SRPX: variants seen among roughly 807,000 people sequenced by gnomAD.
The protein encoded by SRPX is sushi repeat containing protein X-linked.
Under a neutral mutation model 38.1 loss-of-function variants are expected in SRPX, and 24 were observed. The observed-to-expected ratio is 0.63, with a 90% confidence interval of 0.46 to 0.89. The LOEUF (loss-of-function observed/expected upper bound fraction) is 0.89, where lower values mean the gene tolerates loss of function less well. Ranked by LOEUF, SRPX falls within the 40% of genes least tolerant of loss-of-function variation. SRPX has a pLI of 0.00. For missense variants in SRPX, 416 were observed against 377.8 expected (o/e 1.10, Z -0.84); for synonymous variants, 184 against 153.8 (o/e 1.20, Z -1.45).
intron 2 of SRPX, among the ~76,000 whole-genome samples, chrX:38,177,527 C>T (rs1184718309): frequency 1.0e-5 from 1 of 98,866 alleles, no homozygotes; most frequent in Non-Finnish European, 2.0e-5. Flanking sequence ...GGCAAAATGC[C>T]GCAGTGAAAC....
intron 8 of SRPX, among the ~76,000 whole-genome samples, chrX:38,155,962 G>A (rs895747329): frequency 1.8e-5 from 2 of 112,114 alleles, no homozygotes; most frequent in Non-Finnish European, 3.8e-5. Context: ...CTTCAAGTAC[G>A]TGGGAAGAGT....
In SRPX at chrX:38,220,699, G is replaced by T. The variant is rs1939501032; in HGVS notation, c.94C>A (p.Pro32Thr). Residue 32 changes from proline to threonine, a missense_variant, in exon 1 of 10, where the codon CCA (proline) becomes ACA (threonine). Physicochemically the swap from Pro to Thr is conservative, Grantham distance 38. Coordinates refer to ENST00000378533, the MANE Select transcript of SRPX (RefSeq NM_006307.5). Reference sequence around the variant, plus strand: ...GCAGCCACGCCTCCGATCCTACCTGGGAAGCTGCGGCTGGGCGGGACGCGC... The same window carrying T: ...GCAGCCACGCCTCCGATCCTACCTGTGAAGCTGCGGCTGGGCGGGACGCGC... ...LLRVPPSRSF[P>T]GSGDSPLEDD... The T allele has an allele frequency of 1.7e-6, 2 of 1,180,152 alleles. No individual in the cohort carries two copies. The highest frequency in any genetic ancestry group is 3.6e-5 in the African/African-American group (2 of 55,568).
intron 8 of SRPX, among the ~76,000 whole-genome samples, chrX:38,155,982 C>T (rs994007263): frequency 1.3e-4 from 15 of 112,124 alleles, no homozygotes; most frequent in Admixed American, 1.3e-3. Flanking sequence ...TGAAAAGAGA[C>T]TTATTATTAT....
intron 1 of SRPX, among the ~76,000 whole-genome samples, chrX:38,199,049 A>G (rs1939055141): frequency 9.0e-6 from 1 of 111,015 alleles, no homozygotes; most frequent in African/African-American, 3.3e-5. Context: ...ACCTAATGTC[A>G]TCACAAGTTG....
At chrX:38,153,327 T>TA (rs1938056788) in intron 9 of SRPX, among the ~76,000 whole-genome samples, 1 of 79,085 alleles carries the variant, frequency 1.3e-5, no homozygotes. Context: ...TTTTTTTTTT[T>TA]ACCTTGGTAG....
At chrX:38,178,171 A>C (rs1275967646) in intron 2 of SRPX, 114 bp downstream of exon 2, 2 of 468,938 alleles carry the variant, frequency 4.3e-6, no homozygotes. Flanking sequence ...TTGATAGATA[A>C]TTAGAACTTA....
rs1423691522 is a variant in SRPX, at chrX:38,149,399, G to A, written c.*312C>T. The A allele has an allele frequency of 2.3e-5, 4 of 173,548 alleles. No individual in the cohort carries two copies. Among genetic ancestry groups the A allele is most frequent in the African/African-American group, 1.2e-4 (4 of 33,325 alleles). The allele number at this position is 173,548 out of a possible 1,213,427, so 14.3% of individuals were successfully genotyped here. On this transcript the variant is annotated 3_prime_UTR_variant, in exon 10 of 10. Coordinates refer to ENST00000378533, the MANE Select transcript of SRPX (RefSeq NM_006307.5). ...CTTACTTAAAAAACAAAATAGAAAA[G>A]AGTTAGGTGTCACATTGAATAACAT...
intron 1 of SRPX, among the ~76,000 whole-genome samples, chrX:38,201,682 G>A (rs1939114782): frequency 9.0e-6 from 1 of 111,233 alleles, no homozygotes. Context: ...AGCGAGGTGC[G>A]GTGGTGGGTG....
intron 1 of SRPX, among the ~76,000 whole-genome samples, chrX:38,206,558 G>C (rs934401406): frequency 3.6e-5 from 4 of 111,880 alleles, no homozygotes; most frequent in Non-Finnish European, 5.6e-5. Context: ...AAGAACTCTG[G>C]ACCAGAAACC....
intron 6 of SRPX, 86 bp from the exon 7 acceptor site, chrX:38,160,282 G>T (rs1938220311): frequency 1.0e-6 from 1 of 974,336 alleles, no homozygotes; most frequent in South Asian, 2.3e-5. Context: ...AGAGGCATCA[G>T]CTTTGCAATC....
rs1284681794 is a variant in SRPX at position 38,149,769 on chromosome X, G to A, written c.1337C>T (p.Pro446Leu). 1 of 1,209,350 alleles carries A rather than the reference G, an allele frequency of 8.3e-7. No homozygotes were observed. Among genetic ancestry groups the A allele is most frequent in the Non-Finnish European group, 1.1e-6 (1 of 895,019 alleles). ...TAGGACCATCTCTTCTTTTCTCAAGGGAAAAGTGTCAATCAGGTTGAACAG... is the reference window on the plus strand; with the variant it reads ...TAGGACCATCTCTTCTTTTCTCAAGAGAAAAGTGTCAATCAGGTTGAACAG... The part of the protein sequence containing the change: ...VALFNLIDTF[P>L]LRKEEMVLQA... Residue 446 changes from proline (P) to leucine (L), a missense_variant, in exon 10 of 10, where the codon CCC (proline) becomes CTC (leucine). By Grantham distance (98) the Pro-to-Leu change is moderately conservative. Transcript: ENST00000378533.
At chrX:38,207,989 G>C (rs1183713770) in intron 1 of SRPX, among the ~76,000 whole-genome samples, 2 of 111,537 alleles carry the variant, frequency 1.8e-5, no homozygotes, top group Non-Finnish European at 3.8e-5. Flanking sequence ...GGGCGCTATG[G>C]GCATTCTAAG....
intron 5 of SRPX, among the ~76,000 whole-genome samples, chrX:38,164,420 G>A (rs957226201): frequency 2.7e-5 from 3 of 112,160 alleles, no homozygotes; most frequent in Non-Finnish European, 5.6e-5. Context: ...TGGGATTACA[G>A]GCATGAGCCA....
intron 2 of SRPX, 78 bp from the exon 3 acceptor site, chrX:38,174,429 C>T (rs1938534378): frequency 1.2e-6 from 1 of 857,681 alleles, no homozygotes. Context: ...CTCTTACTGT[C>T]CCAGGCTGGC....
At chrX:38,161,088 A>T in intron 5 of SRPX, 34 bp from the exon 6 acceptor site, 5 of 1,201,606 alleles carry the variant, frequency 4.2e-6, no homozygotes, top group Non-Finnish European at 5.6e-6. Context: ...AGGAAAGATG[A>T]CATTATGGAC....
At chrX:38,160,735 C>T (rs1303897479) in intron 6 of SRPX, among the ~76,000 whole-genome samples, 198 bp downstream of exon 6, 1 of 111,074 alleles carries the variant, frequency 9.0e-6, no homozygotes, top group Admixed American at 9.6e-5. Flanking sequence ...AATCTGGCAA[C>T]ACTGACGCCC....
At chrX:38,194,027 G>A (rs1376252122) in intron 1 of SRPX, among the ~76,000 whole-genome samples, 2 of 111,618 alleles carry the variant, frequency 1.8e-5, no homozygotes, top group Middle Eastern at 9.2e-3. Flanking sequence ...CCATGGACTG[G>A]TGAGACCTTG....
intron 3 of SRPX, among the ~76,000 whole-genome samples, 170 bp downstream of exon 3, chrX:38,173,986 TTCTC>T (rs376464250): frequency 1.1e-3 from 124 of 112,311 alleles, no homozygotes; most frequent in African/African-American, 3.7e-3. Flanking sequence ...GATCATATCA[TTCTC>T]TCTGAGAGGA....
At chrX:38,187,380 T>A (rs1173553390) in intron 1 of SRPX, among the ~76,000 whole-genome samples, 1 of 112,088 alleles carries the variant, frequency 8.9e-6, no homozygotes, top group Non-Finnish European at 1.9e-5. Context: ...AACATATGTA[T>A]ATGTATTCAT....
Sources: allele counts gnomAD v4.1 joint callset (sites outside exome capture counted in the v4.1 genomes callset), GRCh38; gene constraint gnomAD v4.1.1; transcripts MANE v1.5; gene names NCBI Gene and HGNC (gene_info 2026-07-23, HGNC 2026-07-21).